NUGGC: variants seen among roughly 807,000 people sequenced by gnomAD.
NUGGC encodes the protein nuclear GTPase, germinal center associated.
In NUGGC, 58 loss-of-function variants were observed where a neutral mutation model predicts 92.6. The observed-to-expected ratio is 0.63, with a 90% CI of 0.51 to 0.78. NUGGC has a LOEUF of 0.78. NUGGC is among the 30% of genes least tolerant of loss of function. The pLI, the probability that NUGGC is intolerant of heterozygous loss-of-function variation, is 0.00. For synonymous variants in NUGGC, 376 were observed against 366.4 expected (o/e 1.03, Z -0.30); for missense variants, 925 against 964.6 (o/e 0.96, Z 0.54).
rs1810554246 is a variant in NUGGC at position 28,070,295 on chromosome 8, C to T, written c.105G>A (p.Arg35=). The T allele has an allele frequency of 1.3e-6, 2 of 1,554,290 alleles. No individual in the cohort carries two copies. The highest frequency in any genetic ancestry group is 1.9e-5 in the Admixed American group (1 of 51,446). The part of the protein sequence containing the change: ...RKRRKSDRDQ[R]FRAFPSMEQS... The stretch of plus-strand genomic sequence containing the variant: ...GCTCCATGGAGGGAAATGCTCGGAA[C>T]CGCTGGTCTCGATCTGATTTCCTTC... The change falls in exon 3 of 19, where the codon CGG becomes CGA. Residue 35 remains arginine (R), a synonymous_variant. Transcript: ENST00000413272.
In NUGGC at chr8:28,047,526, G is replaced by A; in HGVS notation, c.1293C>T (p.Leu431=). The part of the protein sequence containing the change: ...VSAQEYWQQA[L]LTEEETEIPK... ...AATTACCCGTTTCCTCCTCGGTGAGGAGAGCCTGCTGCCAGTACTCCTGGG... is the reference window on the plus strand; with the variant it reads ...AATTACCCGTTTCCTCCTCGGTGAGAAGAGCCTGCTGCCAGTACTCCTGGG... The change falls in exon 11 of 19, where the codon CTC becomes CTT. Residue 431 remains leucine (L), a synonymous_variant. Transcript: ENST00000413272. The A allele has an allele frequency of 6.4e-7, 1 of 1,560,866 alleles. No homozygotes were observed. The highest frequency in any genetic ancestry group is 2.4e-5 in the East Asian group (1 of 42,216).
intron 12 of NUGGC, 135 bp from the exon 13 acceptor site, chr8:28,041,350 C>A (rs1430027264): frequency 6.0e-6 from 5 of 829,948 alleles, no homozygotes; most frequent in East Asian, 2.7e-5. Context: ...CTTTATTGTC[C>A]CCATAAGACC....
chr8:28,062,844 C>T (rs1042940037), intron 7 of NUGGC, among the ~76,000 whole-genome samples: 22 of 152,186 alleles, frequency 1.4e-4, no homozygotes, highest in Admixed American at 5.9e-4. Context: ...GGTTAAATTT[C>T]AGACCGACCC....
chr8:28,068,829 T>G (rs1016346966), intron 4 of NUGGC, among the ~76,000 whole-genome samples: 1 of 152,178 alleles, frequency 6.6e-6, no homozygotes, highest in African/African-American at 2.4e-5. Flanking sequence ...CTTAACCTCC[T>G]AGGCTCAAGC....
intron 17 of NUGGC, among the ~76,000 whole-genome samples, chr8:28,028,181 A>T (rs1272943534): frequency 6.6e-6 from 1 of 152,164 alleles, no homozygotes; most frequent in African/African-American, 2.4e-5. Flanking sequence ...TTTTTAAGCG[A>T]CATAGTTTCC....
In NUGGC at chr8:28,031,365, C is replaced by CAGTGGGCT. The variant is rs1809413762; in HGVS notation, c.1778_1785dup (p.Gly596SerfsTer7). ...TCTATGTGAGGCATCAGAGCTGAAC[C>CAGTGGGCT]AGTGGGCTTCCCCGTCCTACGGAAG... On this transcript the variant is annotated frameshift_variant, in exon 15 of 19. Transcript: ENST00000413272. LOFTEE classifies it high-confidence loss of function. 1.2e-6 allele frequency: 2 copies of CAGTGGGCT among 1,613,778 alleles called. No homozygotes were observed. Among genetic ancestry groups the CAGTGGGCT allele is most frequent in the South Asian group, 2.2e-5 (2 of 91,064 alleles).
At chr8:28,057,906 T>C (rs1245534459) in intron 9 of NUGGC, among the ~76,000 whole-genome samples, 1 of 152,102 alleles carries the variant, frequency 6.6e-6, no homozygotes, top group Non-Finnish European at 1.5e-5. Flanking sequence ...AAAGAATTAG[T>C]TCAGGCCGGG....
At position 28,053,565 on chromosome 8, in the gene NUGGC, G is replaced by T. The variant is rs926347061; in HGVS notation, c.1206+2400C>A. ...AATTCAAACTGAAATAAAGTGGTTG[G>T]AGAATGAAGGCATCACCTTGCCATC... On this transcript the variant is annotated intron_variant, in intron 10 of 18. Coordinates refer to ENST00000413272, the MANE Select transcript of NUGGC (RefSeq NM_001010906.2). Among the ~76,000 whole-genome samples the T allele has an allele frequency of 3.3e-5, 5 of 152,282 alleles. No homozygotes were observed. In the East Asian group the frequency reaches 9.6e-4, roughly 29 times the overall value.
Position 28,026,985 on chromosome 8 carries a change from T to TC in NUGGC, c.2221dup (p.Asp741GlyfsTer13). 1 of 1,611,842 alleles carries TC rather than the reference T, an allele frequency of 6.2e-7. No individual in the cohort carries two copies. Among genetic ancestry groups the TC allele is most frequent in the Middle Eastern group, 1.7e-4 (1 of 6,060 alleles). The stretch of plus-strand genomic sequence containing the variant: ...ACCTGCAAGCTCCTTGTAGAGGCCA[T>TC]CCCCCTGGGACGAAGCAAGGGCCAG... On this transcript the variant is annotated frameshift_variant, in exon 18 of 19. Transcript: ENST00000413272. LOFTEE classifies it high-confidence loss of function.
At chr8:28,081,792 C>T (rs201507800) in intron 1 of NUGGC, among the ~76,000 whole-genome samples, 3 of 151,756 alleles carry the variant, frequency 2.0e-5, no homozygotes, top group South Asian at 2.1e-4. Flanking sequence ...GCAGAGGAAT[C>T]GCTTGAACCC....
At position 28,064,629 on chromosome 8, in the gene NUGGC, CAT is replaced by C. The variant is rs1332863259; in HGVS notation, c.812_813del (p.His271ArgfsTer39). 3.7e-5 allele frequency: 59 copies of C among 1,613,886 alleles called. No homozygotes were observed. Among genetic ancestry groups the C allele is most frequent in the Non-Finnish European group, 4.7e-5 (55 of 1,179,876 alleles). On this transcript the variant is annotated frameshift_variant, in exon 7 of 19. Coordinates refer to ENST00000413272, the MANE Select transcript of NUGGC (RefSeq NM_001010906.2). LOFTEE classifies it high-confidence loss of function. ...AEMRIWPLIK[H>X]VEVTLPKSDL... The stretch of plus-strand genomic sequence containing the variant: ...TCGGATTTGGGAAGTGTCACTTCCA[CAT>C]GTTTGATCAAGGGCCAGATGCGCAT...
chr8:28,033,885 C>T (rs963183412), intron 13 of NUGGC, among the ~76,000 whole-genome samples, 188 bp from the exon 14 acceptor site: 1 of 152,144 alleles, frequency 6.6e-6, no homozygotes, highest in Non-Finnish European at 1.5e-5. Flanking sequence ...CGTCTGGGTG[C>T]CCCTGCCATG....
rs1037451003 is a variant in NUGGC, at chr8:28,031,116, C to T, written c.1908+127G>A. 1.5e-5 allele frequency: 16 copies of T among 1,083,524 alleles called. No individual in the cohort carries two copies. In the African/African-American group the frequency reaches 2.5e-4, roughly 17 times the overall value. The allele number at this position is 1,083,524 out of a possible 1,614,324, so 67.1% of individuals were successfully genotyped here. A position where few individuals can be genotyped will look rare whatever the true frequency, so the allele number is the denominator to read the frequency against. ...CTGGGTTCTGTATTTCACAGCGCCT[C>T]CTAGGAGGTACTCCCAGACCCTGGA... On this transcript the variant is annotated intron_variant, in intron 15 of 18. Coordinates refer to ENST00000413272, the MANE Select transcript of NUGGC (RefSeq NM_001010906.2).
chr8:28,044,197 C>T (rs138343843), intron 12 of NUGGC, among the ~76,000 whole-genome samples: 2 of 152,302 alleles, frequency 1.3e-5, no homozygotes, highest in African/African-American at 4.8e-5. Flanking sequence ...CTCGACCACT[C>T]ACAAAGCCCT....
At chr8:28,068,673 G>T (rs1810509567) in intron 4 of NUGGC, among the ~76,000 whole-genome samples, 2 of 152,116 alleles carry the variant, frequency 1.3e-5, no homozygotes, top group Admixed American at 1.3e-4. Context: ...CACAATCCCT[G>T]TAATGTCTAT....
chr8:28,040,947 C>T, intron 13 of NUGGC, 104 bp downstream of exon 13: 3 of 1,210,606 alleles, frequency 2.5e-6, no homozygotes, highest in South Asian at 3.0e-5. Context: ...GCCCGGCCCG[C>T]TAACTCTTTA....
At chr8:28,066,197 T>C (rs1283750313) in intron 6 of NUGGC, among the ~76,000 whole-genome samples, 1 of 152,242 alleles carries the variant, frequency 6.6e-6, no homozygotes, top group African/African-American at 2.4e-5. Flanking sequence ...TTGTAATCAT[T>C]GTGTTTCTTA....
intron 16 of NUGGC, 28 bp from the exon 17 acceptor site, chr8:28,029,430 C>T: frequency 1.9e-6 from 3 of 1,609,844 alleles, no homozygotes; most frequent in African/African-American, 2.7e-5. Flanking sequence ...CACAGTCACA[C>T]CAAGACAAGG....
In NUGGC at chr8:28,064,567, T is replaced by C. The variant is rs779303563; in HGVS notation, c.876A>G (p.Pro292=). The stretch of plus-strand genomic sequence containing the variant: ...TCTTGCTGTTGAAGTCGCCTGTGCC[T>C]GGGATGTCCACCAGCACGACCCCTT... The part of the protein sequence containing the change: ...IPEGVVLVDI[P]GTGDFNSKRD... Residue 292 remains proline (P), a synonymous_variant, in exon 7 of 19, where the codon CCA becomes CCG. Transcript: ENST00000413272. The C allele has an allele frequency of 8.7e-6, 14 of 1,614,066 alleles. No homozygotes were observed. The South Asian group carries it at 1.5e-4, about 18-fold the overall frequency.
Sources: gnomAD v4.1 joint callset for allele counts (sites outside exome capture counted in the v4.1 genomes callset) on GRCh38, gnomAD v4.1.1 for gene constraint, MANE v1.5 for transcripts, NCBI Gene and HGNC (gene_info 2026-07-23, HGNC 2026-07-21) for gene names.